The following UBE2W variants were observed in gnomAD, a reference collection of about 807,000 sequenced individuals.
UBE2W encodes the protein ubiquitin-conjugating enzyme E2 W.
Under a neutral mutation model 27.2 loss-of-function variants are expected in UBE2W, and 18 were observed. That is an observed-to-expected ratio of 0.66 (90% CI 0.46 to 0.98). The LOEUF is 0.98. Among genes scored for constraint, UBE2W ranks in the 50% least tolerant of loss-of-function variants. The probability of loss-of-function intolerance (pLI) is 0.00; values close to 1 mark genes in which losing one functional copy is unlikely to be tolerated. For synonymous variants in UBE2W, 53 were observed against 57.2 expected (o/e 0.93, Z 0.33); for missense variants, 90 against 180.2 (o/e 0.50, Z 2.87).
intron 3 of UBE2W, among the ~76,000 whole-genome samples, chr8:73,824,390 C>T (rs1563594690): frequency 6.6e-6 from 1 of 152,194 alleles, no homozygotes; most frequent in East Asian, 1.9e-4. Flanking sequence ...ATGTACTCTG[C>T]CCTTCCTGTA....
intron 1 of UBE2W, among the ~76,000 whole-genome samples, chr8:73,838,462 A>C (rs1810399873): frequency 6.6e-6 from 1 of 152,156 alleles, no homozygotes; most frequent in African/African-American, 2.4e-5. Flanking sequence ...ACACCAGCCC[A>C]GGCACAGTGG....
chr8:73,834,906 C>T (rs1810243704), intron 1 of UBE2W, among the ~76,000 whole-genome samples: 1 of 152,092 alleles, frequency 6.6e-6, no homozygotes, highest in Non-Finnish European at 1.5e-5. Context: ...GAGACTCCAT[C>T]TCAATAAAAT....
chr8:73,841,325 A>G (rs1341529797), intron 1 of UBE2W, among the ~76,000 whole-genome samples: 1 of 152,202 alleles, frequency 6.6e-6, no homozygotes, highest in Non-Finnish European at 1.5e-5. Flanking sequence ...ACTCAGGCTG[A>G]GTAAGGAAGC....
intron 1 of UBE2W, among the ~76,000 whole-genome samples, chr8:73,869,721 G>A (rs1434435507): frequency 6.6e-6 from 1 of 151,948 alleles, no homozygotes; most frequent in Non-Finnish European, 1.5e-5. Flanking sequence ...AAAATTAGCT[G>A]GGTATGGTGG....
chr8:73,846,791 T>C (rs1035123845), intron 1 of UBE2W, among the ~76,000 whole-genome samples: 5 of 152,174 alleles, frequency 3.3e-5, no homozygotes, highest in African/African-American at 9.7e-5. Flanking sequence ...GTCGTAGTGT[T>C]TAAGAAGAGT....
At chr8:73,855,433 ACT>A (rs1401477081) in intron 1 of UBE2W, among the ~76,000 whole-genome samples, 10 of 121,094 alleles carry the variant, frequency 8.3e-5, no homozygotes, top group African/African-American at 3.3e-4. Flanking sequence ...ACAAGGTCTC[ACT>A]CTGTCACCCA....
At chr8:73,858,123 G>A (rs1456373640) in intron 1 of UBE2W, among the ~76,000 whole-genome samples, 1 of 152,084 alleles carries the variant, frequency 6.6e-6, no homozygotes, top group Non-Finnish European at 1.5e-5. Context: ...CACTTTGGGA[G>A]GCCGAGGTGG....
chr8:73,816,760 C>T (rs574926617), intron 3 of UBE2W, among the ~76,000 whole-genome samples: 5 of 152,170 alleles, frequency 3.3e-5, no homozygotes, highest in Non-Finnish European at 7.4e-5. Flanking sequence ...AGGCCGGGCA[C>T]GGAGGCTCAA....
At chr8:73,828,946 A>G (rs1246657493) in intron 2 of UBE2W, among the ~76,000 whole-genome samples, 3 of 152,134 alleles carry the variant, frequency 2.0e-5, no homozygotes, top group Non-Finnish European at 4.4e-5. Context: ...CCATATCCAC[A>G]TTTCATATAC....
chr8:73,876,445 A>G (rs915920697), intron 1 of UBE2W, among the ~76,000 whole-genome samples: 1 of 152,200 alleles, frequency 6.6e-6, no homozygotes, highest in African/African-American at 2.4e-5. Flanking sequence ...AATCTGCACT[A>G]GATATTTTAA....
chr8:73,805,755 GA>G, intron 4 of UBE2W, 29 bp from the exon 5 acceptor site: 2 of 1,279,256 alleles, frequency 1.6e-6, no homozygotes, highest in South Asian at 1.8e-5. Flanking sequence ...TAAATAGGTT[GA>G]AAAACAGAAA....
At chr8:73,829,062 C>A (rs946091405) in intron 2 of UBE2W, among the ~76,000 whole-genome samples, 2 of 152,114 alleles carry the variant, frequency 1.3e-5, no homozygotes, top group Admixed American at 6.6e-5. Flanking sequence ...AAGAAAAATT[C>A]TTGCCTGACC....
At chr8:73,836,114 T>G (rs1186191869) in intron 1 of UBE2W, among the ~76,000 whole-genome samples, 1 of 152,208 alleles carries the variant, frequency 6.6e-6, no homozygotes, top group Non-Finnish European at 1.5e-5. Flanking sequence ...ACAGGACCAC[T>G]GCTCCATCCT....
At chr8:73,818,865 C>T (rs1294935493) in intron 3 of UBE2W, among the ~76,000 whole-genome samples, 1 of 152,234 alleles carries the variant, frequency 6.6e-6, no homozygotes, top group African/African-American at 2.4e-5. Flanking sequence ...CTGAGGCCAA[C>T]ACCAGAAGCA....
intron 1 of UBE2W, among the ~76,000 whole-genome samples, chr8:73,860,712 G>A (rs1296322302): frequency 1.3e-5 from 2 of 152,140 alleles, no homozygotes; most frequent in Non-Finnish European, 2.9e-5. Context: ...TTGAATTCAG[G>A]AAGAAAGTTC....
chr8:73,813,309 CA>C (rs1809252008), intron 3 of UBE2W, among the ~76,000 whole-genome samples: 1 of 152,048 alleles, frequency 6.6e-6, no homozygotes, highest in African/African-American at 2.4e-5. Context: ...AAAAGGTACT[CA>C]GGAGAGAAGA....
intron 5 of UBE2W, among the ~76,000 whole-genome samples, chr8:73,798,495 C>A (rs1245353722): frequency 2.0e-5 from 3 of 152,106 alleles, no homozygotes; most frequent in East Asian, 3.8e-4. Context: ...GATATTCAAC[C>A]TACAGTTTAT....
chr8:73,826,140 TCTCA>T (rs562294078), intron 2 of UBE2W, among the ~76,000 whole-genome samples: 299 of 152,336 alleles, frequency 2.0e-3, no homozygotes, highest in Non-Finnish European at 3.4e-3. Flanking sequence ...TTCCTTTATC[TCTCA>T]CTATGTTTCA....
intron 5 of UBE2W, among the ~76,000 whole-genome samples, chr8:73,803,151 G>C (rs1355507977): frequency 1.3e-5 from 2 of 152,182 alleles, no homozygotes; most frequent in South Asian, 2.1e-4. Flanking sequence ...AGGAGGCAGA[G>C]GATGCAGTGA....
Sources: allele counts gnomAD v4.1 joint callset (sites outside exome capture counted in the v4.1 genomes callset), GRCh38; gene constraint gnomAD v4.1.1; transcripts MANE v1.5; gene names NCBI Gene and HGNC (gene_info 2026-07-23, HGNC 2026-07-21).